The following CDH18 variants were observed in gnomAD, a reference collection of about 807,000 sequenced individuals.
CDH18 encodes cadherin 18.
CDH18 carries 31 observed loss-of-function variants against 67.9 expected under a neutral mutation model. The observed-to-expected ratio is 0.46, with a 90% CI of 0.34 to 0.62. CDH18 has a LOEUF of 0.62. CDH18 is among the 20% of genes least tolerant of loss of function. The pLI, the probability that CDH18 is intolerant of heterozygous loss-of-function variation, is 0.01. For missense variants in CDH18, 890 were observed against 975.5 expected, an observed-to-expected ratio of 0.91 and a Z score of 1.17; for synonymous variants, 362 against 347.2, an observed-to-expected ratio of 1.04 and a Z score of -0.48.
chr5:19,754,107 CA>C (rs1444496185), intron 3 of CDH18, among the ~76,000 whole-genome samples: 1 of 151,706 alleles, frequency 6.6e-6, no homozygotes, highest in Admixed American at 6.6e-5. Flanking sequence ...AAAAAACCCC[CA>C]AAAAACCAAG....
intron 1 of CDH18, among the ~76,000 whole-genome samples, chr5:20,309,483 CA>C (rs1380156706): frequency 5.9e-5 from 9 of 152,078 alleles, no homozygotes; most frequent in African/African-American, 2.2e-4. Context: ...AGAAAAAAAA[CA>C]CATAAATTCA....
chr5:19,938,982 C>A lies in CDH18; in HGVS notation c.-257+42078G>T, dbSNP rs576349697. Among the ~76,000 whole-genome samples, 264 of 150,738 alleles carry A rather than the reference C, an allele frequency of 1.8e-3. 1 individual carries two copies. The highest frequency in any genetic ancestry group is 2.9e-3 in the Non-Finnish European group (194 of 67,344). The stretch of plus-strand genomic sequence containing the variant: ...CATTTGGACCATTTTTTTGTTTAAT[C>A]TTAATTTAAACTTCTAAGAAGTTCA... On this transcript the variant is annotated intron_variant, in intron 2 of 12. Transcript: ENST00000382275.
intron 1 of CDH18, among the ~76,000 whole-genome samples, chr5:20,405,067 C>G (rs1294358667): frequency 6.6e-6 from 1 of 152,050 alleles, no homozygotes; most frequent in Non-Finnish European, 1.5e-5. Flanking sequence ...ACTTTCTTCA[C>G]AGAATTGGGA....
chr5:19,475,249 T>G (rs1738249537), intron 12 of CDH18, among the ~76,000 whole-genome samples: 2 of 149,194 alleles, frequency 1.3e-5, no homozygotes, highest in South Asian at 4.3e-4. Flanking sequence ...GCTTACATTC[T>G]TATAAACCCA....
At chr5:20,164,025 T>C (rs1374796252) in intron 2 of CDH18, among the ~76,000 whole-genome samples, 1 of 152,192 alleles carries the variant, frequency 6.6e-6, no homozygotes, top group African/African-American at 2.4e-5. Flanking sequence ...AAAGTAATAA[T>C]GAACTTTTCC....
chr5:20,066,431 C>T (rs1445999912), intron 2 of CDH18, among the ~76,000 whole-genome samples: 2 of 152,012 alleles, frequency 1.3e-5, no homozygotes, highest in Non-Finnish European at 2.9e-5. Flanking sequence ...CGTATTATCA[C>T]TCATAGCTTA....
chr5:20,550,748 T>C (rs1387117061), intron 1 of CDH18, among the ~76,000 whole-genome samples: 1 of 152,212 alleles, frequency 6.6e-6, no homozygotes, highest in African/African-American at 2.4e-5. Context: ...AGTGTTGCTA[T>C]GAAGAAATTC....
Position 19,607,057 on chromosome 5 carries a change from A to G in CDH18, c.811+5377T>C, listed in dbSNP as rs140477917. 1.8e-3 allele frequency among the ~76,000 whole-genome samples: 270 copies of G among 151,844 alleles called. 4 individuals are homozygous for G. Among genetic ancestry groups the G allele is most frequent in the African/African-American group, 6.0e-3 (251 of 41,554 alleles). On this transcript the variant is annotated intron_variant, in intron 6 of 12. Transcript: ENST00000382275. The stretch of plus-strand genomic sequence containing the variant: ...AATGGAGAAAATCCTTCAAACTAAA[A>G]TTCTATTCTGATTGGAAATACCTTC...
chr5:19,709,889 C>T (rs982577444), intron 5 of CDH18, among the ~76,000 whole-genome samples: 1 of 152,084 alleles, frequency 6.6e-6, no homozygotes, highest in Non-Finnish European at 1.5e-5. Flanking sequence ...AATTCCAGCA[C>T]TTTGGGAGGC....
intron 3 of CDH18, among the ~76,000 whole-genome samples, chr5:19,795,592 C>G (rs1404989938): frequency 6.6e-6 from 1 of 152,126 alleles, no homozygotes; most frequent in Non-Finnish European, 1.5e-5. Flanking sequence ...TAAACCTAAA[C>G]TTGGTGAGTG....
At chr5:20,006,883 G>A (rs1465835964) in intron 2 of CDH18, among the ~76,000 whole-genome samples, 1 of 151,548 alleles carries the variant, frequency 6.6e-6, no homozygotes, top group Non-Finnish European at 1.5e-5. Flanking sequence ...TAACTTAGAG[G>A]GAAATATGCA....
chr5:20,521,593 G>A (rs1006325592), intron 1 of CDH18, among the ~76,000 whole-genome samples: 6 of 152,058 alleles, frequency 3.9e-5, no homozygotes, highest in South Asian at 2.1e-4. Context: ...CTTTTAAAGC[G>A]GAGCAGATAC....
intron 1 of CDH18, among the ~76,000 whole-genome samples, chr5:20,277,035 A>G (rs894409926): frequency 1.3e-5 from 2 of 152,140 alleles, no homozygotes; most frequent in Non-Finnish European, 2.9e-5. Flanking sequence ...AAGGTTTCCA[A>G]CGTCAGGCCC....
In CDH18 at chr5:20,531,115, A is replaced by G. The variant is rs544622275; in HGVS notation, c.-580+44347T>C. Among the ~76,000 whole-genome samples the G allele has an allele frequency of 1.1e-4, 16 of 152,174 alleles. 1 individual carries two copies. The South Asian group carries it at 3.1e-3, about 30-fold the overall frequency. ...ACACTTCTCAAAAGAAGACTTTTAT[A>G]TGGCCAACAAACATATGAAAAATAG... On this transcript the variant is annotated intron_variant, in intron 1 of 14. Transcript: ENST00000507958.
intron 2 of CDH18, among the ~76,000 whole-genome samples, chr5:20,123,616 G>T (rs1347548439): frequency 6.6e-6 from 1 of 152,100 alleles, no homozygotes; most frequent in Admixed American, 6.6e-5. Context: ...CGGCGCGGTG[G>T]CTCACTCACG....
At chr5:20,288,867 C>G (rs1265167518) in intron 1 of CDH18, among the ~76,000 whole-genome samples, 1 of 151,882 alleles carries the variant, frequency 6.6e-6, no homozygotes, top group African/African-American at 2.4e-5. Context: ...AAAATACCTA[C>G]AGTTAAGATA....
rs529770642 is a variant in CDH18, at chr5:19,482,979, C to T, written c.1882+322G>A. Reference sequence around the variant, plus strand: ...TGGTCAGATTCATTTAGAATGATGCCGCTTAGATTCTTGCCAAAAATTTTT... The same window carrying T: ...TGGTCAGATTCATTTAGAATGATGCTGCTTAGATTCTTGCCAAAAATTTTT... On this transcript the variant is annotated intron_variant, in intron 12 of 12. Coordinates refer to ENST00000382275, the MANE Select transcript of CDH18 (RefSeq NM_004934.5). Among the ~76,000 whole-genome samples the T allele has an allele frequency of 7.2e-5, 11 of 151,894 alleles. No individual in the cohort carries two copies. In the South Asian group the frequency reaches 2.3e-3, roughly 32 times the overall value.
rs1176834177 is a variant in CDH18 at position 19,907,122 on chromosome 5, A to G, written c.-256-67880T>C. Reference sequence around the variant, plus strand: ...TTTTATGGTTATCTTTGTGGCAACCATTATATGATTAGGCTTCTTAAAATG... The same window carrying G: ...TTTTATGGTTATCTTTGTGGCAACCGTTATATGATTAGGCTTCTTAAAATG... On this transcript the variant is annotated intron_variant, in intron 2 of 12. Transcript: ENST00000382275. 2.0e-5 allele frequency among the ~76,000 whole-genome samples: 3 copies of G among 152,148 alleles called. 1 individual carries two copies. The highest frequency in any genetic ancestry group is 4.4e-5 in the Non-Finnish European group (3 of 67,890).
chr5:19,889,249 T>C (rs1788542090), intron 2 of CDH18, among the ~76,000 whole-genome samples: 1 of 152,076 alleles, frequency 6.6e-6, no homozygotes, highest in Non-Finnish European at 1.5e-5. Context: ...TGGATGGCCA[T>C]TTGTATATCT....
Sources: allele counts gnomAD v4.1 joint callset (sites outside exome capture counted in the v4.1 genomes callset), GRCh38; gene constraint gnomAD v4.1.1; transcripts MANE v1.5; gene names NCBI Gene and HGNC (gene_info 2026-07-23, HGNC 2026-07-21).